The following MLH3 variants were observed in gnomAD, a reference collection of about 807,000 sequenced individuals.
MLH3 encodes DNA mismatch repair protein Mlh3.
In MLH3, 82 loss-of-function variants were observed where a neutral mutation model predicts 122.2. The ratio of observed to expected loss-of-function variants is 0.67; its 90% CI spans 0.56 to 0.81. MLH3 has a LOEUF of 0.81. MLH3 is among the 30% of genes least tolerant of loss of function. The probability of loss-of-function intolerance (pLI) is 0.00; values close to 1 mark genes in which losing one functional copy is unlikely to be tolerated. For missense variants in MLH3, 1,539 were observed against 1,714.5 expected, an observed-to-expected ratio of 0.90 and a Z score of 1.81; for synonymous variants, 524 against 599.5, an observed-to-expected ratio of 0.87 and a Z score of 1.84.
In MLH3 at chr14:75,027,670, A is replaced by AC. The variant is rs1339495179; in HGVS notation, c.3987+2872_3987+2873insG. On this transcript the variant is annotated intron_variant, in intron 9 of 12. Transcript: ENST00000355774. ...TGTAAGAGATTTACTTCAGTAAAAA[A>AC]AAAAAAAAAAAAAAAAAAAAAAAAC... Among the ~76,000 whole-genome samples the AC allele has an allele frequency of 1.7e-4, 22 of 129,910 alleles. 2 individuals are homozygous for AC. The highest frequency in any genetic ancestry group is 6.0e-4 in the African/African-American group (21 of 35,024). The allele number at this position is 129,910 out of a possible 152,430, so 85.2% of individuals were successfully genotyped here.
chr14:75,047,354 G>A lies in MLH3; in HGVS notation c.2302C>T (p.Leu768=). The part of the protein sequence containing the change: ...KRQYGKVENP[L]DTEVEESNGV... The stretch of plus-strand genomic sequence containing the variant: ...TTACTTTCCTCTACTTCTGTATCCA[G>A]AGGATTTTCAACCTTCCCATATTGC... The change falls in exon 2 of 13, where the codon CTG becomes TTG. Residue 768 remains leucine (L), a synonymous_variant. Transcript: ENST00000355774. 1 of 1,614,110 alleles carries A rather than the reference G, an allele frequency of 6.2e-7. No individual in the cohort carries two copies.
Position 75,046,843 on chromosome 14 carries a change from G to C in MLH3, c.2813C>G (p.Ser938Ter). The change falls in exon 2 of 13, where the codon TCA becomes TGA. Residue 938 changes from serine (S) to a stop codon, truncating the protein, a stop_gained. Coordinates refer to ENST00000355774, the MANE Select transcript of MLH3 (RefSeq NM_001040108.2). LOFTEE classifies it high-confidence loss of function. ...EKTENGVIPT[S>*]DSATQDNSFN... ...GGAATTATCCTGTGTGGCAGAATCTGATGTTGGGATGACACCATTCTCTGT... is the reference window on the plus strand; with the variant it reads ...GGAATTATCCTGTGTGGCAGAATCTCATGTTGGGATGACACCATTCTCTGT... The C allele has an allele frequency of 6.2e-7, 1 of 1,614,080 alleles. No individual in the cohort carries two copies. Among genetic ancestry groups the C allele is most frequent in the Admixed American group, 1.7e-5 (1 of 60,026 alleles).
intron 7 of MLH3, 49 bp downstream of exon 7, chr14:75,033,370 G>C (rs749953296): frequency 3.1e-5 from 45 of 1,454,886 alleles, no homozygotes; most frequent in Middle Eastern, 1.7e-4. Flanking sequence ...GAGGTGTACT[G>C]ATTCTGCTGG....
intron 6 of MLH3, 133 bp downstream of exon 6, chr14:75,038,207 A>G (rs2139453283): frequency 1.4e-6 from 1 of 725,226 alleles, no homozygotes; most frequent in East Asian, 2.7e-5. Context: ...CCTTCATAAT[A>G]TTCTTAGTTT....
chr14:75,030,508 C>G, intron 9 of MLH3, 35 bp downstream of exon 9: 4 of 1,604,712 alleles, frequency 2.5e-6, no homozygotes, highest in Non-Finnish European at 3.4e-6. Flanking sequence ...TACCATCACT[C>G]AGCAATTTCC....
In MLH3 at chr14:75,016,071, T is replaced by A; in HGVS notation, c.*1011A>T. 4.4e-6 allele frequency: 1 copy of A among 227,384 alleles called. No individual in the cohort carries two copies. The highest frequency in any genetic ancestry group is 8.7e-6 in the Non-Finnish European group (1 of 114,554). 14.1% of individuals were successfully genotyped at this position (227,384 alleles called of 1,614,324 possible). A position where few individuals can be genotyped will look rare whatever the true frequency, so the allele number is the denominator to read the frequency against. On this transcript the variant is annotated 3_prime_UTR_variant, in exon 13 of 13. Coordinates refer to ENST00000355774, the MANE Select transcript of MLH3 (RefSeq NM_001040108.2). ...TGAGTCCTATTAACCACAAATCATGTGAAAAGGTGCGGGAAAAATAGATTG... is the reference window on the plus strand; with the variant it reads ...TGAGTCCTATTAACCACAAATCATGAGAAAAGGTGCGGGAAAAATAGATTG...
intron 6 of MLH3, among the ~76,000 whole-genome samples, chr14:75,036,325 T>C (rs1566590029): frequency 6.6e-6 from 1 of 151,916 alleles, no homozygotes; most frequent in Non-Finnish European, 1.5e-5. Flanking sequence ...AGACTTGTAA[T>C]ATCCAACCAC....
Position 75,018,884 on chromosome 14 carries a change from C to T in MLH3, c.4187G>A (p.Gly1396Glu). Residue 1396 changes from glycine (G) to glutamate (E), a missense_variant, in exon 12 of 13, where the codon GGG becomes GAG. Gly to Glu is a moderately conservative substitution (Grantham distance 98). Coordinates refer to ENST00000355774, the MANE Select transcript of MLH3 (RefSeq NM_001040108.2). ...AGCTAACGGCAGCATAGAAGGTCTCCCGTGAGCACACTGGAATGGCAGCTG... is the reference window on the plus strand; with the variant it reads ...AGCTAACGGCAGCATAGAAGGTCTCTCGTGAGCACACTGGAATGGCAGCTG... ...SCQLPFQCAH[G>E]RPSMLPLADI... 6.2e-7 allele frequency: 1 copy of T among 1,614,168 alleles called. No individual in the cohort carries two copies. The highest frequency in any genetic ancestry group is 1.1e-5 in the South Asian group (1 of 91,088).
In MLH3 at chr14:75,046,861, T is replaced by C. The variant is rs745389962; in HGVS notation, c.2795A>G (p.Asn932Ser). Residue 932 changes from asparagine (N) to serine (S), a missense_variant, in exon 2 of 13, where the codon AAT becomes AGT. Asn to Ser is a conservative substitution (Grantham distance 46). Coordinates refer to ENST00000355774, the MANE Select transcript of MLH3 (RefSeq NM_001040108.2). Reference sequence around the variant, plus strand: ...AGAATCTGATGTTGGGATGACACCATTCTCTGTTTTTTCATGCTTGTTGTT... The same window carrying C: ...AGAATCTGATGTTGGGATGACACCACTCTCTGTTTTTTCATGCTTGTTGTT... ...LFNNKHEKTE[N>S]GVIPTSDSAT... is the part of the protein sequence containing the mutation. 3 of 1,613,990 alleles carry C rather than the reference T, an allele frequency of 1.9e-6. No individual in the cohort carries two copies. Among genetic ancestry groups the C allele is most frequent in the South Asian group, 1.1e-5 (1 of 91,094 alleles).
intron 3 of MLH3, 129 bp from the exon 4 acceptor site, chr14:75,041,829 T>G: frequency 1.4e-6 from 1 of 724,460 alleles, no homozygotes; most frequent in Non-Finnish European, 2.5e-6. Flanking sequence ...GTTCTACAAA[T>G]GTTCAGTGTT....
chr14:75,017,013 G>C lies in MLH3; in HGVS notation c.*69C>G. ...AGTCAGGGCCGTGCTGGTACCTGCT[G>C]CTGCTGCTCTCTGCTCAGAGGCATA... On this transcript the variant is annotated 3_prime_UTR_variant, in exon 13 of 13. Transcript: ENST00000355774. 6.3e-7 allele frequency: 1 copy of C among 1,589,786 alleles called. No individual in the cohort carries two copies. Among genetic ancestry groups the C allele is most frequent in the Non-Finnish European group, 8.6e-7 (1 of 1,161,518 alleles).
chr14:75,034,261 A>G (rs937528766), intron 6 of MLH3, among the ~76,000 whole-genome samples: 1 of 152,142 alleles, frequency 6.6e-6, no homozygotes, highest in Non-Finnish European at 1.5e-5. Context: ...TCTTATGTTT[A>G]AATACTGATT....
chr14:75,039,849 ATATATATATATATATATATAT>A lies in MLH3; in HGVS notation c.3570+41_3570+61del. 1.5e-4 allele frequency: 6 copies of A among 41,262 alleles called. 2 individuals are homozygous for A. Among genetic ancestry groups the A allele is most frequent in the Non-Finnish European group, 3.1e-4 (6 of 19,232 alleles). The allele number at this position is 41,262 out of a possible 1,614,324, so 2.6% of individuals were successfully genotyped here. On this transcript the variant is annotated intron_variant, in intron 5 of 12. Coordinates refer to ENST00000355774, the MANE Select transcript of MLH3 (RefSeq NM_001040108.2). ...TCAAATTTTAGAAGAGTTAGGCCAT[ATATATATATATATATATATAT>A]ATATATATATATTTATGAGATTTTG...
chr14:75,050,646 C>T (rs1405946425), intron 1 of MLH3, among the ~76,000 whole-genome samples: 1 of 152,132 alleles, frequency 6.6e-6, no homozygotes, highest in African/African-American at 2.4e-5. Flanking sequence ...GTGATCCTCC[C>T]GCCTTGGCCT....
In MLH3 at chr14:75,022,743, T is replaced by C. The variant is rs175056; in HGVS notation, c.4090+71A>G. The C allele has an allele frequency of 1, 1,329,828 of 1,332,844 alleles. 663,446 individuals carry two copies. Among genetic ancestry groups the C allele is most frequent in the East Asian group, 1 (43,616 of 43,616 alleles). The allele number at this position is 1,332,844 out of a possible 1,614,324, so 82.6% of individuals were successfully genotyped here. A position where few individuals can be genotyped will look rare whatever the true frequency, so the allele number is the denominator to read the frequency against. ...TAGTAAATGTACCCTCTGCCTCTTTTGTAATCCCGGCAGCCCTGCCAGGGC... is the reference window on the plus strand; with the variant it reads ...TAGTAAATGTACCCTCTGCCTCTTTCGTAATCCCGGCAGCCCTGCCAGGGC... On this transcript the variant is annotated intron_variant, in intron 11 of 12. Transcript: ENST00000355774.
At chr14:75,045,288 C>T (rs566340635) in intron 2 of MLH3, among the ~76,000 whole-genome samples, 1 of 152,170 alleles carries the variant, frequency 6.6e-6, no homozygotes, top group African/African-American at 2.4e-5. Context: ...CGAGATCACG[C>T]CACTACACTC....
intron 9 of MLH3, among the ~76,000 whole-genome samples, chr14:75,025,526 C>A (rs1297769528): frequency 6.6e-6 from 1 of 152,204 alleles, no homozygotes; most frequent in East Asian, 1.9e-4. Context: ...TTCAGCAGAG[C>A]TTTCCAGACC....
chr14:75,019,715 C>A (rs1252675924), intron 11 of MLH3, among the ~76,000 whole-genome samples: 1 of 152,086 alleles, frequency 6.6e-6, no homozygotes, highest in Non-Finnish European at 1.5e-5. Flanking sequence ...TTATTTGCTT[C>A]TTTTTTTCTA....
intron 2 of MLH3, 21 bp from the exon 3 acceptor site, chr14:75,042,498 C>G: frequency 6.4e-7 from 1 of 1,571,248 alleles, no homozygotes; most frequent in Non-Finnish European, 8.8e-7. Context: ...GAAAGAAAAA[C>G]CTAGAAATGT....
Sources: gnomAD v4.1 joint callset for allele counts (sites outside exome capture counted in the v4.1 genomes callset) on GRCh38, gnomAD v4.1.1 for gene constraint, MANE v1.5 for transcripts, NCBI Gene and HGNC (gene_info 2026-07-23, HGNC 2026-07-21) for gene names.